ING5: variants seen among roughly 807,000 people sequenced by gnomAD.
ING5 encodes the protein inhibitor of growth protein 5.
Under a neutral mutation model 37.4 loss-of-function variants are expected in ING5, and 17 were observed. The ratio of observed to expected loss-of-function variants is 0.45; its 90% CI spans 0.31 to 0.68. The LOEUF is 0.68. ING5 is among the 30% of genes least tolerant of loss of function. The pLI is 0.05. For missense variants in ING5, 233 were observed against 311.9 expected (o/e 0.75, Z 1.91); for synonymous variants, 123 against 116.6 (o/e 1.06, Z -0.36).
At chr2:241,705,408 T>TTTTTC (rs2069878669) in intron 2 of ING5, among the ~76,000 whole-genome samples, 1 of 145,082 alleles carries the variant, frequency 6.9e-6, no homozygotes, top group Admixed American at 7.1e-5. Flanking sequence ...TTTTTTTTTT[T>TTTTTC]TTTTTTTGAG....
At chr2:241,724,079 A>G (rs934965882) in intron 7 of ING5, 37 of 1,354,210 alleles carry the variant, frequency 2.7e-5, no homozygotes, top group Non-Finnish European at 3.2e-5. Flanking sequence ...ATGGATATCT[A>G]TGTTCTGAAA....
At chr2:241,709,711 A>T (rs1464636913) in intron 3 of ING5, among the ~76,000 whole-genome samples, 1 of 151,820 alleles carries the variant, frequency 6.6e-6, no homozygotes, top group Non-Finnish European at 1.5e-5. Flanking sequence ...GGCTCAAGTG[A>T]TTCTTGTGCC....
intron 5 of ING5, among the ~76,000 whole-genome samples, chr2:241,713,086 C>T (rs1467206057): frequency 2.1e-5 from 3 of 139,552 alleles, no homozygotes; most frequent in African/African-American, 8.2e-5. Context: ...GATGGGGTTT[C>T]GCTCTTGTTG....
intron 7 of ING5, 85 bp from the exon 8 acceptor site, chr2:241,724,904 G>C: frequency 2.8e-6 from 4 of 1,439,654 alleles, no homozygotes; most frequent in Non-Finnish European, 1.9e-6. Context: ...CAGCAGCCCT[G>C]GGAGACATGG....
At chr2:241,718,359 CCCTCCCTCCCTT>C (rs2070334379) in intron 5 of ING5, among the ~76,000 whole-genome samples, 1 of 134,948 alleles carries the variant, frequency 7.4e-6, no homozygotes, top group Non-Finnish European at 1.6e-5. Context: ...CTCCTTCCCT[CCCTCCCTCCCTT>C]CCTCCCTCCC....
In ING5 at chr2:241,709,261, C is replaced by T. The variant is rs375367616; in HGVS notation, c.155C>T (p.Thr52Met). The T allele has an allele frequency of 6.8e-6, 11 of 1,613,900 alleles. No homozygotes were observed. The highest frequency in any genetic ancestry group is 5.3e-5 in the African/African-American group (4 of 74,918). Residue 52 changes from threonine to methionine, a missense_variant, in exon 3 of 8, where the codon ACG becomes ATG. Coordinates refer to ENST00000313552, the MANE Select transcript of ING5 (RefSeq NM_032329.6). ...ATCCTGGCTGCAGAGTACATCTCCACGGTGAAGACGCTGTCTCCAGACCAG... is the reference window on the plus strand; with the variant it reads ...ATCCTGGCTGCAGAGTACATCTCCATGGTGAAGACGCTGTCTCCAGACCAG... The part of the protein sequence containing the change: ...IDILAAEYIS[T>M]VKTLSPDQRV...
In ING5 at chr2:241,712,015, C is replaced by A; in HGVS notation, c.426C>A (p.Gly142=). The change falls in exon 5 of 8, where the codon GGC becomes GGA. Residue 142 remains glycine, a synonymous_variant. Transcript: ENST00000313552. ...AGAAAGAAAAAAGAGGGTCCCGGGG[C>A]CGAGGCAGGAGGACATCAGAGGAAG... ...RGQKEKRGSR[G]RGRRTSEEDT... The A allele has an allele frequency of 6.2e-7, 1 of 1,612,510 alleles. No individual in the cohort carries two copies.
chr2:241,722,867 G>A, intron 5 of ING5, 72 bp from the exon 6 acceptor site: 1 of 1,590,764 alleles, frequency 6.3e-7, no homozygotes, highest in South Asian at 1.1e-5. Context: ...AGAGACAGAA[G>A]GGCCCGTGGT....
rs1224462353 is a variant in ING5, at chr2:241,727,961, C to T, written c.*2930C>T. 6.6e-6 allele frequency: 1 copy of T among 152,192 alleles called. No homozygotes were observed. Among genetic ancestry groups the T allele is most frequent in the African/African-American group, 2.4e-5 (1 of 41,428 alleles). 9.4% of individuals were successfully genotyped at this position (152,192 alleles called of 1,614,324 possible). ...ACCATCCCAGGTATTGAATTTTGAC[C>T]TTTTCTTTTCAAGTTTCTGTGCTTA... On this transcript the variant is annotated 3_prime_UTR_variant, in exon 8 of 8. Coordinates refer to ENST00000313552, the MANE Select transcript of ING5 (RefSeq NM_032329.6).
chr2:241,710,008 T>G (rs562351342), intron 3 of ING5, among the ~76,000 whole-genome samples: 21 of 152,172 alleles, frequency 1.4e-4, no homozygotes, highest in African/African-American at 4.1e-4. Flanking sequence ...AGTGGTGTGA[T>G]CACGGCTCAC....
At chr2:241,719,614 TATGCTAGGCATAAG>T in intron 5 of ING5, 1 of 1,535,848 alleles carries the variant, frequency 6.5e-7, no homozygotes, top group Middle Eastern at 1.7e-4. Context: ...TTCTCAAGGG[TATGCTAGGCATAAG>T]GAATGCAGGC....
At chr2:241,723,178 T>G in intron 6 of ING5, 32 bp from the exon 7 acceptor site, 1 of 1,613,974 alleles carries the variant, frequency 6.2e-7, no homozygotes. Context: ...ACATGAGGCG[T>G]GTTGACTGCG....
chr2:241,719,465 TTG>T, intron 5 of ING5: 3 of 1,238,866 alleles, frequency 2.4e-6, no homozygotes, highest in Non-Finnish European at 3.4e-6. Flanking sequence ...TTGCTGGGTT[TTG>T]TGTTTTCTAA....
intron 2 of ING5, among the ~76,000 whole-genome samples, chr2:241,707,602 T>G (rs912599297): frequency 3.3e-5 from 5 of 152,098 alleles, no homozygotes; most frequent in African/African-American, 1.2e-4. Flanking sequence ...TGGGCACATG[T>G]TTTGCAAGAC....
rs760172382 is a variant in ING5 at position 241,722,948 on chromosome 2, C to T, written c.492C>T (p.Phe164=). The T allele has an allele frequency of 2.5e-6, 4 of 1,614,016 alleles. No homozygotes were observed. The East Asian group carries it at 8.9e-5, about 36-fold the overall frequency. The change falls in exon 6 of 8, where the codon TTC becomes TTT. Residue 164 remains phenylalanine, a synonymous_variant. Coordinates refer to ENST00000313552, the MANE Select transcript of ING5 (RefSeq NM_032329.6). ...KKKKHKGGSE[F]TDTILSVHPS... ...GCCCTGTCCCCTGCAGGTCTGAGTT[C>T]ACTGACACCATCCTGTCCGTGCACC... is the stretch of plus-strand genomic sequence containing the variant.
At chr2:241,696,769 C>A (rs2069635981) in intron 2 of ING5, among the ~76,000 whole-genome samples, 1 of 151,806 alleles carries the variant, frequency 6.6e-6, no homozygotes, top group Admixed American at 6.6e-5. Context: ...GGTGACAGAG[C>A]AAGACCCTGA....
At chr2:241,702,197 G>A in intron 1 of ING5, 95 bp downstream of exon 1, 1 of 594,656 alleles carries the variant, frequency 1.7e-6, no homozygotes, top group Non-Finnish European at 2.2e-6. Context: ...AGACCCCGTG[G>A]GCTCGGGAGG....
At chr2:241,711,051 C>T (rs1456212618) in intron 3 of ING5, among the ~76,000 whole-genome samples, 4 of 152,144 alleles carry the variant, frequency 2.6e-5, no homozygotes, top group Non-Finnish European at 5.9e-5. Context: ...ACCTGGCCTC[C>T]AGGTAGCCAT....
chr2:241,701,979 G>A (rs368550165), upstream of ING5: 574 of 998,144 alleles, frequency 5.8e-4, 7 homozygotes, highest in East Asian at 0.018. Flanking sequence ...CGCGACTCAT[G>A]AATAGTGAGC....
Sources: allele counts gnomAD v4.1 joint callset (sites outside exome capture counted in the v4.1 genomes callset), GRCh38; gene constraint gnomAD v4.1.1; transcripts MANE v1.5; gene names NCBI Gene and HGNC (gene_info 2026-07-23, HGNC 2026-07-21).